The following ETS1 variants were observed in gnomAD, a reference collection of about 807,000 sequenced individuals.
ETS1 encodes protein C-ets-1.
A neutral mutation model predicts 58.6 loss-of-function variants in ETS1; 15 were observed. The observed-to-expected ratio is 0.26, with a 90% CI of 0.17 to 0.39. The LOEUF is 0.39. Ranked by LOEUF, ETS1 falls within the 10% of genes least tolerant of loss-of-function variation. ETS1 has a pLI of 1.00. For missense variants in ETS1, 417 were observed against 610.5 expected (o/e 0.68, Z 3.34); for synonymous variants, 214 against 218.2 (o/e 0.98, Z 0.17).
intron 1 of ETS1, 117 bp from the exon 2 acceptor site, chr11:128,573,261 C>T: frequency 1.5e-6 from 1 of 686,032 alleles, no homozygotes. Flanking sequence ...AACCAGTTCA[C>T]TTCTTTGCAT....
At chr11:128,581,444 A>C (rs1394255395) in intron 1 of ETS1, among the ~76,000 whole-genome samples, 1 of 152,218 alleles carries the variant, frequency 6.6e-6, no homozygotes, top group Non-Finnish European at 1.5e-5. Context: ...TTTTACCATG[A>C]AATTCAACAA....
chr11:128,586,580 G>A (rs1865035177), intron 1 of ETS1, among the ~76,000 whole-genome samples: 1 of 152,106 alleles, frequency 6.6e-6, no homozygotes, highest in South Asian at 2.1e-4. Flanking sequence ...TTTCTCAGTT[G>A]CATGGCAGTG....
At chr11:128,522,703 G>C (rs557016772) in intron 3 of ETS1, among the ~76,000 whole-genome samples, 2 of 152,104 alleles carry the variant, frequency 1.3e-5, no homozygotes, top group Non-Finnish European at 2.9e-5. Flanking sequence ...TGAGGGCTTG[G>C]TCACCCGCTC....
chr11:128,477,864 A>G (rs1023272658), intron 8 of ETS1, among the ~76,000 whole-genome samples: 1 of 152,248 alleles, frequency 6.6e-6, no homozygotes, highest in African/African-American at 2.4e-5. Flanking sequence ...CACAATGTCT[A>G]GCATTCATTT....
rs538811080 is a variant in ETS1, at chr11:128,572,985, G to T, written c.69+77C>A. Reference sequence around the variant, plus strand: ...GTTCCTGGCTTCTCTGTCTACTGGGGGTCAGGATACAGGAAGCACAAGGAG... The same window carrying T: ...GTTCCTGGCTTCTCTGTCTACTGGGTGTCAGGATACAGGAAGCACAAGGAG... On this transcript the variant is annotated intron_variant, in intron 2 of 9. Transcript: ENST00000392668. 2.9e-4 allele frequency: 331 copies of T among 1,160,262 alleles called. No individual in the cohort carries two copies. In the African/African-American group the frequency reaches 4.5e-3, roughly 16 times the overall value. The allele number at this position is 1,160,262 out of a possible 1,614,324, so 71.9% of individuals were successfully genotyped here. A position where few individuals can be genotyped will look rare whatever the true frequency, so the allele number is the denominator to read the frequency against.
chr11:128,575,114 C>T (rs1366132435), intron 1 of ETS1, among the ~76,000 whole-genome samples: 1 of 152,182 alleles, frequency 6.6e-6, no homozygotes, highest in Middle Eastern at 3.2e-3. Context: ...GGATTTGTTC[C>T]AAAACCCTCC....
intron 3 of ETS1, among the ~76,000 whole-genome samples, chr11:128,500,866 G>A (rs1308570383): frequency 6.6e-6 from 1 of 152,140 alleles, no homozygotes; most frequent in Non-Finnish European, 1.5e-5. Flanking sequence ...CCTGAAGAAC[G>A]ACCACCATAC....
chr11:128,548,816 G>T (rs374079265), intron 3 of ETS1, among the ~76,000 whole-genome samples: 36 of 152,354 alleles, frequency 2.4e-4, no homozygotes, highest in African/African-American at 8.7e-4. Context: ...TAACCCTCCC[G>T]CCCTGCGGAG....
At chr11:128,586,623 T>A (rs532677837) in intron 1 of ETS1, among the ~76,000 whole-genome samples, 2 of 152,186 alleles carry the variant, frequency 1.3e-5, no homozygotes, top group Non-Finnish European at 2.9e-5. Context: ...GACTTGAGAT[T>A]AAAAACAAAA....
At chr11:128,585,236 AAGAAAG>A (rs1462311512) in intron 1 of ETS1, among the ~76,000 whole-genome samples, 1 of 149,300 alleles carries the variant, frequency 6.7e-6, no homozygotes, top group East Asian at 2.0e-4. Context: ...GAAAGAAAGA[AAGAAAG>A]AAAAAGAAAG....
At chr11:128,495,324 G>A (rs1862910505) in intron 3 of ETS1, among the ~76,000 whole-genome samples, 1 of 152,124 alleles carries the variant, frequency 6.6e-6, no homozygotes, top group Non-Finnish European at 1.5e-5. Flanking sequence ...AAAAAAATGG[G>A]ACTTTTCCTT....
chr11:128,470,956 TG>T (rs1862172149), intron 8 of ETS1, among the ~76,000 whole-genome samples: 1 of 152,196 alleles, frequency 6.6e-6, no homozygotes, highest in Admixed American at 6.5e-5. Flanking sequence ...GCTTTGCAAG[TG>T]AAAGTATCAC....
chr11:128,585,609 G>A (rs1278730362), intron 1 of ETS1, among the ~76,000 whole-genome samples: 1 of 152,190 alleles, frequency 6.6e-6, no homozygotes, highest in Non-Finnish European at 1.5e-5. Context: ...CCCTAGGTGA[G>A]AGGACCTGCA....
At position 128,572,720 on chromosome 11, in the gene ETS1, A is replaced by G. The variant is rs552535161; in HGVS notation, c.69+342T>C. 3.1e-4 allele frequency among the ~76,000 whole-genome samples: 47 copies of G among 152,332 alleles called. 1 individual carries two copies. The South Asian group carries it at 9.7e-3, about 32-fold the overall frequency. ...GGCCAAAAGTAAGTTCAATTATAATATGTATAGGAATAAGGTACCTCAATA... is the reference window on the plus strand; with the variant it reads ...GGCCAAAAGTAAGTTCAATTATAATGTGTATAGGAATAAGGTACCTCAATA... On this transcript the variant is annotated intron_variant, in intron 2 of 9. Coordinates refer to ENST00000392668, the MANE Select transcript of ETS1 (RefSeq NM_001143820.2).
intron 2 of ETS1, among the ~76,000 whole-genome samples, chr11:128,563,313 T>A (rs1864435797): frequency 6.6e-6 from 1 of 152,214 alleles, no homozygotes; most frequent in African/African-American, 2.4e-5. Flanking sequence ...GAGTCAACAC[T>A]GGGTGGATGG....
chr11:128,578,287 A>C (rs1864793949), intron 1 of ETS1, among the ~76,000 whole-genome samples: 3 of 152,166 alleles, frequency 2.0e-5, no homozygotes, highest in Admixed American at 6.5e-5. Flanking sequence ...AAGGCAGCAG[A>C]AGAACAAGAA....
intron 5 of ETS1, 81 bp from the exon 6 acceptor site, chr11:128,486,227 C>A: frequency 1.2e-6 from 1 of 835,594 alleles, no homozygotes; most frequent in Non-Finnish European, 2.0e-6. Flanking sequence ...GATGCAAAGA[C>A]CACAATGATC....
At chr11:128,545,394 A>C (rs143276352) in intron 3 of ETS1, among the ~76,000 whole-genome samples, 37 of 152,312 alleles carry the variant, frequency 2.4e-4, no homozygotes, top group African/African-American at 8.4e-4. Flanking sequence ...GGTTAAGAAC[A>C]TGCACTTTGG....
intron 1 of ETS1, among the ~76,000 whole-genome samples, chr11:128,575,375 C>G (rs7943782): frequency 0.42 from 63,652 of 152,034 alleles, 13,704 homozygotes; most frequent in Non-Finnish European, 0.46. Flanking sequence ...CCTTGGTTGA[C>G]GGAGAGTAAC....
Sources: allele counts gnomAD v4.1 joint callset (sites outside exome capture counted in the v4.1 genomes callset), GRCh38; gene constraint gnomAD v4.1.1; transcripts MANE v1.5; gene names NCBI Gene and HGNC (gene_info 2026-07-23, HGNC 2026-07-21).